DIXDC1: variants seen among roughly 807,000 people sequenced by gnomAD.
DIXDC1 encodes DIX domain containing 1.
Under a neutral mutation model 103.1 loss-of-function variants are expected in DIXDC1, and 64 were observed. The ratio of observed to expected loss-of-function variants is 0.62; its 90% CI spans 0.51 to 0.76. The LOEUF is 0.76. Among genes scored for constraint, DIXDC1 ranks in the 30% least tolerant of loss-of-function variants. DIXDC1 has a pLI of 0.00. For synonymous variants in DIXDC1, 266 were observed against 298.5 expected (o/e 0.89, Z 1.12); for missense variants, 759 against 834.2 (o/e 0.91, Z 1.11).
intron 17 of DIXDC1, among the ~76,000 whole-genome samples, chr11:112,008,841 A>G (rs1377912348): frequency 1.3e-5 from 2 of 152,236 alleles, no homozygotes; most frequent in South Asian, 2.1e-4. Context: ...CTAAATGCCC[A>G]CAGGAGAAAG....
In DIXDC1 at chr11:111,937,537, T is replaced by C; in HGVS notation, c.38T>C (p.Val13Ala). ...CTGACCCGAGGGAACTTACTGGACG[T>C]CCTGCAGGAGGGCTTCAATGAGGTA... ...ACLTRGNLLD[V>A]LQEGFNEQQL... The change falls in exon 1 of 20, where the codon GTC (valine) becomes GCC (alanine). Residue 13 changes from valine to alanine, a missense_variant. This residue lies in a region of DIXDC1 where 97 missense variants were observed against 85.4 expected (regional missense o/e 1.14). Coordinates refer to ENST00000440460, the MANE Select transcript of DIXDC1 (RefSeq NM_001037954.4). 6.3e-7 allele frequency: 1 copy of C among 1,595,792 alleles called. No individual in the cohort carries two copies. Among genetic ancestry groups the C allele is most frequent in the African/African-American group, 1.3e-5 (1 of 74,566 alleles).
intron 1 of DIXDC1, among the ~76,000 whole-genome samples, chr11:111,956,023 C>T (rs1011563275): frequency 1.1e-4 from 16 of 150,206 alleles, no homozygotes; most frequent in Admixed American, 3.3e-4. Flanking sequence ...CACACACACA[C>T]GGTGGACTAT....
At chr11:111,959,472 A>G (rs1859500590) in intron 1 of DIXDC1, among the ~76,000 whole-genome samples, 1 of 152,196 alleles carries the variant, frequency 6.6e-6, no homozygotes, top group Admixed American at 6.5e-5. Context: ...CACCACAGTC[A>G]GTGTTTCTGG....
At chr11:111,988,934 G>T in intron 9 of DIXDC1, 71 bp from the exon 10 acceptor site, 1 of 1,344,848 alleles carries the variant, frequency 7.4e-7, no homozygotes, top group South Asian at 1.3e-5. Context: ...TCCTCTTGCC[G>T]ACAGAATGAG....
intron 4 of DIXDC1, among the ~76,000 whole-genome samples, chr11:111,974,586 C>G (rs587594224): frequency 6.6e-6 from 1 of 152,236 alleles, no homozygotes; most frequent in African/African-American, 2.4e-5. Flanking sequence ...AGAGGAAGCT[C>G]CACTCTGGAA....
chr11:112,002,782 A>G (rs1257205200), intron 17 of DIXDC1, among the ~76,000 whole-genome samples: 1 of 152,230 alleles, frequency 6.6e-6, no homozygotes, highest in Non-Finnish European at 1.5e-5. Context: ...TCTCAAAAAC[A>G]AAACAAAACA....
chr11:112,009,115 T>G (rs1402098391), intron 17 of DIXDC1, among the ~76,000 whole-genome samples: 2 of 151,984 alleles, frequency 1.3e-5, no homozygotes, highest in African/African-American at 4.8e-5. Context: ...TAAAAAATGA[T>G]AAAGGGGATA....
chr11:111,975,699 A>T (rs78620546), intron 5 of DIXDC1: 1 of 985,490 alleles, frequency 1.0e-6, no homozygotes, highest in African/African-American at 1.7e-5. Context: ...TGCTCTAATG[A>T]CCTTTTCTTT....
intron 7 of DIXDC1, among the ~76,000 whole-genome samples, chr11:111,982,767 A>G (rs892960535): frequency 5.9e-5 from 9 of 152,232 alleles, no homozygotes; most frequent in Non-Finnish European, 1.5e-5. Context: ...TGTGCTACAT[A>G]GGTGGGCTTC....
At chr11:111,934,475 C>A (rs1485513965), upstream of DIXDC1, among the ~76,000 whole-genome samples, 1 of 152,216 alleles carries the variant, frequency 6.6e-6, no homozygotes, top group East Asian at 1.9e-4. Flanking sequence ...GACAGCCCTG[C>A]AGCAGCAGAA....
chr11:111,955,708 G>T (rs1267807518), intron 1 of DIXDC1, among the ~76,000 whole-genome samples: 2 of 150,948 alleles, frequency 1.3e-5, no homozygotes, highest in Non-Finnish European at 3.0e-5. Flanking sequence ...AGTGGCGCAT[G>T]CCTGTAACCC....
intron 1 of DIXDC1, among the ~76,000 whole-genome samples, chr11:111,948,838 C>T (rs2137463859): frequency 6.6e-6 from 1 of 152,340 alleles, no homozygotes; most frequent in East Asian, 1.9e-4. Context: ...CACTCCTGAT[C>T]AGAGGACGCA....
intron 5 of DIXDC1, 123 bp downstream of exon 5, chr11:111,975,106 A>T: frequency 1.3e-6 from 2 of 1,504,154 alleles, no homozygotes; most frequent in Non-Finnish European, 1.8e-6. Flanking sequence ...GTTTGGCTTT[A>T]AAGGGATACC....
chr11:111,943,447 A>G (rs919196727), intron 1 of DIXDC1, among the ~76,000 whole-genome samples: 17 of 142,778 alleles, frequency 1.2e-4, no homozygotes, highest in African/African-American at 4.4e-4. Flanking sequence ...CCCGGCTACG[A>G]TTTAAAGCTT....
chr11:112,011,703 A>T (rs587760847), intron 17 of DIXDC1, among the ~76,000 whole-genome samples: 2 of 152,030 alleles, frequency 1.3e-5, no homozygotes, highest in South Asian at 4.1e-4. Context: ...TATCACAAGG[A>T]CCAAAAACCA....
intron 1 of DIXDC1, among the ~76,000 whole-genome samples, chr11:111,948,506 T>A (rs1319043095): frequency 1.3e-5 from 2 of 151,936 alleles, no homozygotes; most frequent in Non-Finnish European, 2.9e-5. Context: ...CCATCCTTGG[T>A]TTCCCCTGCT....
Position 112,008,356 on chromosome 11 carries a change from A to G in DIXDC1, c.1757-8335A>G, listed in dbSNP as rs1172833139. ...ACAAAGAGACTTAGACTCCCACACAATAATAATGGGAGACTTTTACACCCC... is the reference window on the plus strand; with the variant it reads ...ACAAAGAGACTTAGACTCCCACACAGTAATAATGGGAGACTTTTACACCCC... On this transcript the variant is annotated intron_variant, in intron 17 of 19. Coordinates refer to ENST00000440460, the MANE Select transcript of DIXDC1 (RefSeq NM_001037954.4). Among the ~76,000 whole-genome samples the G allele has an allele frequency of 2.0e-5, 3 of 152,124 alleles. No individual in the cohort carries two copies. The East Asian group carries it at 5.8e-4, about 29-fold the overall frequency.
At chr11:111,980,976 T>A in intron 6 of DIXDC1, 127 bp downstream of exon 6, 1 of 653,468 alleles carries the variant, frequency 1.5e-6, no homozygotes, top group Non-Finnish European at 2.6e-6. Context: ...GGGTCAGCAC[T>A]AGAGGGCTCT....
intron 1 of DIXDC1, among the ~76,000 whole-genome samples, chr11:111,939,092 A>C (rs1479073744): frequency 6.6e-6 from 1 of 152,248 alleles, no homozygotes; most frequent in Non-Finnish European, 1.5e-5. Context: ...CAACTGTGGC[A>C]GAAGCTCTTT....
Sources: gnomAD v4.1 joint callset for allele counts (sites outside exome capture counted in the v4.1 genomes callset) on GRCh38, gnomAD v4.1.1 for gene constraint, gnomAD v4.1.1 regional missense constraint, MANE v1.5 for transcripts, NCBI Gene and HGNC (gene_info 2026-07-23, HGNC 2026-07-21) for gene names.